The following KIRREL3 variants were observed in gnomAD, a reference collection of about 807,000 sequenced individuals.
KIRREL3 encodes the protein kin of IRRE-like protein 3.
KIRREL3 carries 36 observed loss-of-function variants against 89.7 expected under a neutral mutation model. The observed-to-expected ratio is 0.40, with a 90% CI of 0.31 to 0.53. KIRREL3 has a LOEUF of 0.53. Ranked by LOEUF, KIRREL3 falls within the 20% of genes least tolerant of loss-of-function variation. The pLI, the probability that KIRREL3 is intolerant of heterozygous loss-of-function variation, is 0.49. For missense variants in KIRREL3, 864 were observed against 1,056.6 expected, an observed-to-expected ratio of 0.82 and a Z score of 2.53; for synonymous variants, 445 against 441.4, an observed-to-expected ratio of 1.01 and a Z score of -0.10.
At chr11:126,602,712 A>G (rs1472035995) in intron 1 of KIRREL3, among the ~76,000 whole-genome samples, 3 of 152,204 alleles carry the variant, frequency 2.0e-5, no homozygotes, top group African/African-American at 7.2e-5. Context: ...CCAGGCTTCC[A>G]ATTTATGATA....
At position 126,917,545 on chromosome 11, in the gene KIRREL3, A is replaced by C. The variant is rs75088978; in HGVS notation, c.55+82910T>G. ...CAAAAATCTTTCCAAACCACGTAGC[A>C]CCTCCACACCTATCCTGCCTCTCTT... is the stretch of plus-strand genomic sequence containing the variant. On this transcript the variant is annotated intron_variant, in intron 1 of 16. Coordinates refer to ENST00000525144, the MANE Select transcript of KIRREL3 (RefSeq NM_032531.4). This position sits in a 1 kb window ranked among gnomAD's most constrained non-coding sequence, Gnocchi z 5.0. 0.054 allele frequency among the ~76,000 whole-genome samples: 8,218 copies of C among 152,140 alleles called. 286 individuals are homozygous for C. The highest frequency in any genetic ancestry group is 0.075 in the East Asian group (388 of 5,168).
intron 4 of KIRREL3, among the ~76,000 whole-genome samples, chr11:126,518,865 T>C (rs1196862961): frequency 6.6e-6 from 1 of 152,156 alleles, no homozygotes; most frequent in Non-Finnish European, 1.5e-5. Context: ...ACCAGCTGGG[T>C]TGGGGACCTG....
intron 1 of KIRREL3, among the ~76,000 whole-genome samples, chr11:126,727,919 A>G (rs1050354124): frequency 3.3e-5 from 5 of 151,940 alleles, no homozygotes; most frequent in East Asian, 1.9e-4. Flanking sequence ...CCAGAGTCCA[A>G]TGATGAGGAG....
intron 1 of KIRREL3, among the ~76,000 whole-genome samples, chr11:126,730,850 T>C (rs904738668): frequency 2.6e-5 from 4 of 152,204 alleles, no homozygotes; most frequent in Non-Finnish European, 5.9e-5. Flanking sequence ...GCCATTCTCC[T>C]GCCTCAGCCT....
rs1284315192 is a variant in KIRREL3, at chr11:126,599,598, A to C, written c.56-36686T>G. 2.0e-5 allele frequency among the ~76,000 whole-genome samples: 3 copies of C among 152,186 alleles called. No homozygotes were observed. In the East Asian group the frequency reaches 5.8e-4, roughly 29 times the overall value. The stretch of plus-strand genomic sequence containing the variant: ...TCTTTTCCATCAAATGGAAGCCTCT[A>C]GGGGTCTGTCATTCCTCATGCCTAG... On this transcript the variant is annotated intron_variant, in intron 1 of 16. Coordinates refer to ENST00000525144, the MANE Select transcript of KIRREL3 (RefSeq NM_032531.4).
intron 1 of KIRREL3, among the ~76,000 whole-genome samples, chr11:126,816,922 C>G (rs956419971): frequency 6.6e-6 from 1 of 152,172 alleles, no homozygotes; most frequent in Non-Finnish European, 1.5e-5. Context: ...ATCATAGACT[C>G]AGCACCTCAG....
chr11:126,439,838 C>T (rs187975806), intron 11 of KIRREL3, among the ~76,000 whole-genome samples: 1 of 151,066 alleles, frequency 6.6e-6, no homozygotes, highest in Non-Finnish European at 1.5e-5. Flanking sequence ...CACAAACAAA[C>T]AAACCCAAAA....
In KIRREL3 at chr11:126,763,080, C is replaced by A. The variant is rs996680633; in HGVS notation, c.56-200168G>T. Among the ~76,000 whole-genome samples, 2 of 152,098 alleles carry A rather than the reference C, an allele frequency of 1.3e-5. No homozygotes were observed. Among genetic ancestry groups the A allele is most frequent in the African/African-American group, 2.4e-5 (1 of 41,386 alleles). On this transcript the variant is annotated intron_variant, in intron 1 of 16. Transcript: ENST00000525144. This position sits in a 1 kb window ranked among gnomAD's most constrained non-coding sequence, Gnocchi z 4.7. Reference sequence around the variant, plus strand: ...AGAGGGGCTATGCCCAGGAGTATTGCCCCAACTTCCAAACACATTCCTATC... The same window carrying A: ...AGAGGGGCTATGCCCAGGAGTATTGACCCAACTTCCAAACACATTCCTATC...
At position 126,723,731 on chromosome 11, in the gene KIRREL3, G is replaced by A. The variant is rs1384816555; in HGVS notation, c.56-160819C>T. ...TAGATGCAGAATTAATTTTCATTGA[G>A]TTACATAAATGATACAATATGAAAA... On this transcript the variant is annotated intron_variant, in intron 1 of 16. Transcript: ENST00000525144. This position sits in a 1 kb window ranked among gnomAD's most constrained non-coding sequence, Gnocchi z 4.0. Among the ~76,000 whole-genome samples the A allele has an allele frequency of 6.6e-6, 1 of 152,090 alleles. No individual in the cohort carries two copies. Among genetic ancestry groups the A allele is most frequent in the Non-Finnish European group, 1.5e-5 (1 of 68,042 alleles).
chr11:126,916,457 G>T (rs778645087), intron 1 of KIRREL3, among the ~76,000 whole-genome samples: 1 of 152,156 alleles, frequency 6.6e-6, no homozygotes, highest in African/African-American at 2.4e-5. Flanking sequence ...GGACCACACT[G>T]TGAGGACAAC....
intron 1 of KIRREL3, among the ~76,000 whole-genome samples, chr11:126,784,327 G>A (rs1950417627): frequency 6.6e-6 from 1 of 152,206 alleles, no homozygotes; most frequent in Admixed American, 6.5e-5. Flanking sequence ...GGGGTATATG[G>A]GAACCCTCTG....
Position 126,752,486 on chromosome 11 carries a change from A to T in KIRREL3, c.56-189574T>A, listed in dbSNP as rs2134247238. Among the ~76,000 whole-genome samples the T allele has an allele frequency of 6.6e-6, 1 of 152,336 alleles. No individual in the cohort carries two copies. Among genetic ancestry groups the T allele is most frequent in the South Asian group, 2.1e-4 (1 of 4,826 alleles). ...CTAATAATAATAATTGCATAATAGC[A>T]TTATTCTTACAGCGGAATAAGACCA... On this transcript the variant is annotated intron_variant, in intron 1 of 16. Transcript: ENST00000525144. The surrounding 1 kb of genome is among the most constrained non-coding windows in gnomAD (Gnocchi z 4.8).
chr11:126,510,281 G>T (rs952775266), intron 4 of KIRREL3, among the ~76,000 whole-genome samples: 3 of 152,086 alleles, frequency 2.0e-5, no homozygotes, highest in Non-Finnish European at 4.4e-5. Flanking sequence ...CTCTGGAGAT[G>T]AATCTATTTC....
intron 4 of KIRREL3, among the ~76,000 whole-genome samples, chr11:126,503,771 C>T (rs1957936718): frequency 6.6e-6 from 1 of 151,526 alleles, no homozygotes; most frequent in Non-Finnish European, 1.5e-5. Context: ...GAATCTCCCT[C>T]TCCCTCTTTC....
At chr11:126,500,522 T>A (rs1206461454) in intron 4 of KIRREL3, among the ~76,000 whole-genome samples, 1 of 152,134 alleles carries the variant, frequency 6.6e-6, no homozygotes, top group Non-Finnish European at 1.5e-5. Context: ...AGTGGATCAC[T>A]TGAGATCAGG....
intron 4 of KIRREL3, among the ~76,000 whole-genome samples, chr11:126,481,542 T>G (rs1204002496): frequency 2.0e-5 from 3 of 152,212 alleles, no homozygotes; most frequent in Non-Finnish European, 4.4e-5. Context: ...CCCCATATTC[T>G]GTATTTTGGA....
Position 126,606,301 on chromosome 11 carries a change from T to C in KIRREL3, c.56-43389A>G, listed in dbSNP as rs1252787643. 6.6e-6 allele frequency among the ~76,000 whole-genome samples: 1 copy of C among 152,162 alleles called. No homozygotes were observed. The highest frequency in any genetic ancestry group is 1.5e-5 in the Non-Finnish European group (1 of 68,034). On this transcript the variant is annotated intron_variant, in intron 1 of 16. Transcript: ENST00000525144. This position sits in a 1 kb window ranked among gnomAD's most constrained non-coding sequence, Gnocchi z 4.6. ...CTGGAGTGTGGGTTTGGATTTCGGGTGTATCACTTACTAGCTGTGTCACTC... is the reference window on the plus strand; with the variant it reads ...CTGGAGTGTGGGTTTGGATTTCGGGCGTATCACTTACTAGCTGTGTCACTC...
intron 1 of KIRREL3, among the ~76,000 whole-genome samples, chr11:126,831,734 A>G (rs898199422): frequency 3.3e-5 from 5 of 152,164 alleles, no homozygotes; most frequent in Admixed American, 1.3e-4. Context: ...TACTTGGCCT[A>G]TAGTATTTCC....
At chr11:126,707,261 T>G (rs890517055) in intron 1 of KIRREL3, among the ~76,000 whole-genome samples, 6 of 151,682 alleles carry the variant, frequency 4.0e-5, no homozygotes, top group African/African-American at 1.5e-4. Flanking sequence ...TTTTTTTTTT[T>G]TTTGGCTTTT....
Sources: allele counts gnomAD v4.1 joint callset (sites outside exome capture counted in the v4.1 genomes callset), GRCh38; gene constraint gnomAD v4.1.1; non-coding constraint Gnocchi (gnomAD v3.1); transcripts MANE v1.5; gene names NCBI Gene and HGNC (gene_info 2026-07-23, HGNC 2026-07-21).